MAN2A1: variants seen among roughly 807,000 people sequenced by gnomAD.
MAN2A1 encodes the protein alpha-mannosidase 2.
In MAN2A1, 76 loss-of-function variants were observed where a neutral mutation model predicts 142.6. The ratio of observed to expected loss-of-function variants is 0.53; its 90% CI spans 0.44 to 0.65. The LOEUF is 0.65. Among genes scored for constraint, MAN2A1 ranks in the 30% least tolerant of loss-of-function variants. MAN2A1 has a pLI of 0.00. For missense variants in MAN2A1, 1,311 were observed against 1,365.1 expected, an observed-to-expected ratio of 0.96 and a Z score of 0.62; for synonymous variants, 559 against 473.2, an observed-to-expected ratio of 1.18 and a Z score of -2.35.
At chr5:109,699,699 A>G (rs1195986754) in intron 1 of MAN2A1, 1 of 156,322 alleles carries the variant, frequency 6.4e-6, no homozygotes, top group African/African-American at 2.4e-5. Context: ...TCTACGACTG[A>G]GCATGCAGCT....
chr5:109,827,643 AGG>A (rs1471364956), intron 16 of MAN2A1, among the ~76,000 whole-genome samples: 1 of 152,202 alleles, frequency 6.6e-6, no homozygotes, highest in Non-Finnish European at 1.5e-5. Context: ...GTGCAGTTGA[AGG>A]GCTCTCTCTT....
chr5:109,729,335 G>T lies in MAN2A1; in HGVS notation c.536-7G>T. 6.3e-7 allele frequency: 1 copy of T among 1,591,220 alleles called. No individual in the cohort carries two copies. The highest frequency in any genetic ancestry group is 1.1e-5 in the South Asian group (1 of 87,296). On this transcript the variant is annotated splice_region_variant and splice_polypyrimidine_tract_variant and intron_variant, in intron 3 of 21. Transcript: ENST00000261483. ...GACCTTTGTGGTATATTTGTGTCTT[G>T]ATTTAGGTTGGTTGAAGACTTTCAA...
intron 12 of MAN2A1, among the ~76,000 whole-genome samples, chr5:109,802,303 A>G (rs1477338114): frequency 6.6e-6 from 1 of 152,144 alleles, no homozygotes; most frequent in Non-Finnish European, 1.5e-5. Flanking sequence ...CATATGTGGC[A>G]TATTATTGCA....
chr5:109,812,876 A>G (rs1013818057), intron 12 of MAN2A1, among the ~76,000 whole-genome samples: 1 of 152,060 alleles, frequency 6.6e-6, no homozygotes, highest in Non-Finnish European at 1.5e-5. Flanking sequence ...CTGATGATTC[A>G]TTAACTACTG....
chr5:109,791,679 A>G (rs1027163042), intron 12 of MAN2A1, among the ~76,000 whole-genome samples: 2 of 152,042 alleles, frequency 1.3e-5, no homozygotes, highest in African/African-American at 2.4e-5. Context: ...GGGGATTTGA[A>G]GAAAATCTTA....
At chr5:109,743,717 A>C (rs906995028) in intron 4 of MAN2A1, among the ~76,000 whole-genome samples, 2 of 152,048 alleles carry the variant, frequency 1.3e-5, no homozygotes, top group African/African-American at 2.4e-5. Context: ...AAAACCTCCA[A>C]ATGGCCTTTC....
intron 3 of MAN2A1, among the ~76,000 whole-genome samples, chr5:109,728,831 T>C (rs554278979): frequency 1.3e-5 from 2 of 152,184 alleles, no homozygotes; most frequent in South Asian, 4.1e-4. Flanking sequence ...GTAATTACCT[T>C]ATTGGTCTGC....
chr5:109,690,140 C>G lies in MAN2A1; in HGVS notation c.-278C>G. 2.5e-6 allele frequency: 1 copy of G among 398,352 alleles called. No individual in the cohort carries two copies. The highest frequency in any genetic ancestry group is 4.6e-6 in the Non-Finnish European group (1 of 216,006). 24.7% of individuals were successfully genotyped at this position (398,352 alleles called of 1,614,324 possible). A position where few individuals can be genotyped will look rare whatever the true frequency, so the allele number is the denominator to read the frequency against. On this transcript the variant is annotated 5_prime_UTR_variant, in exon 1 of 22. It adds an upstream start codon to the 5' untranslated region. Coordinates refer to ENST00000261483, the MANE Select transcript of MAN2A1 (RefSeq NM_002372.4). Reference sequence around the variant, plus strand: ...CGGAGGTCGGCGCTGAGCTTGCGATCAAGTTTGTGGGGGCCCCCCTTCCCA... The same window carrying G: ...CGGAGGTCGGCGCTGAGCTTGCGATGAAGTTTGTGGGGGCCCCCCTTCCCA...
chr5:109,796,560 G>A (rs1753867650), intron 12 of MAN2A1, among the ~76,000 whole-genome samples: 1 of 145,504 alleles, frequency 6.9e-6, no homozygotes, highest in African/African-American at 2.6e-5. Context: ...GACTAAATCT[G>A]CCAGAAATAA....
chr5:109,766,062 T>A (rs186899680), intron 5 of MAN2A1, among the ~76,000 whole-genome samples: 1 of 152,148 alleles, frequency 6.6e-6, no homozygotes, highest in South Asian at 2.1e-4. Context: ...TCAAGTGCAC[T>A]GAGTTGGAAA....
intron 9 of MAN2A1, 121 bp from the exon 10 acceptor site, chr5:109,784,623 T>A (rs920417066): frequency 7.4e-6 from 5 of 677,368 alleles, no homozygotes; most frequent in Admixed American, 3.3e-5. Flanking sequence ...AATATCTTTT[T>A]CATAAATTGC....
intron 1 of MAN2A1, among the ~76,000 whole-genome samples, chr5:109,708,729 A>G (rs1198291521): frequency 6.6e-6 from 1 of 152,184 alleles, no homozygotes; most frequent in Non-Finnish European, 1.5e-5. Context: ...GGAAGGTGCA[A>G]GAGCCCAGGG....
chr5:109,808,550 TTTAA>T (rs1373340111), intron 12 of MAN2A1, among the ~76,000 whole-genome samples: 2 of 152,282 alleles, frequency 1.3e-5, no homozygotes, highest in East Asian at 3.9e-4. Context: ...TAAGTATACT[TTTAA>T]TTGTTAATGT....
At chr5:109,723,318 T>G (rs1751656113) in intron 3 of MAN2A1, among the ~76,000 whole-genome samples, 1 of 152,136 alleles carries the variant, frequency 6.6e-6, no homozygotes, top group South Asian at 2.1e-4. Context: ...ACAGGTTAGA[T>G]TATTTTGGAA....
At chr5:109,725,406 C>T (rs967989366) in intron 3 of MAN2A1, among the ~76,000 whole-genome samples, 1 of 152,154 alleles carries the variant, frequency 6.6e-6, no homozygotes, top group Admixed American at 6.5e-5. Context: ...GGTCTACACC[C>T]CTACAAACTA....
rs149259124 is a variant in MAN2A1 at position 109,866,982 on chromosome 5, G to A, written c.3419G>A (p.Arg1140Gln). 3.0e-5 allele frequency: 48 copies of A among 1,608,896 alleles called. No homozygotes were observed. Among genetic ancestry groups the A allele is most frequent in the Admixed American group, 8.4e-5 (5 of 59,252 alleles). ...AGTCCAATGGAAATCAGCACATTCCGAATCCAGTTGAGGTGAACCTGACTT... is the reference window on the plus strand; with the variant it reads ...AGTCCAATGGAAATCAGCACATTCCAAATCCAGTTGAGGTGAACCTGACTT... Reference protein sequence around the residue: ...NLSPMEISTFRIQLR With the variant: ...NLSPMEISTFQIQLR Residue 1140 changes from arginine to glutamine, a missense_variant, in exon 22 of 22, where the codon CGA (arginine) becomes CAA (glutamine). Arg to Gln is a conservative substitution (Grantham distance 43). This residue lies in a region of MAN2A1 where 890 missense variants were observed against 920.5 expected (regional missense o/e 0.97). Coordinates refer to ENST00000261483, the MANE Select transcript of MAN2A1 (RefSeq NM_002372.4).
In MAN2A1 at chr5:109,800,280, C is replaced by A. The variant is rs571421006; in HGVS notation, c.1943+10753C>A. ...GAGATCCTTGAAGCTAGGTAGTGTT[C>A]TCATATGACTCCATGGGACTGTGTT... On this transcript the variant is annotated intron_variant, in intron 12 of 21. Transcript: ENST00000261483. Among the ~76,000 whole-genome samples, 20 of 152,270 alleles carry A rather than the reference C, an allele frequency of 1.3e-4. No individual in the cohort carries two copies. In the South Asian group the frequency reaches 3.9e-3, roughly 30 times the overall value.
Position 109,781,413 on chromosome 5 carries a change from A to G in MAN2A1, c.1392A>G (p.Leu464=), listed in dbSNP as rs766134253. 5.0e-6 allele frequency: 8 copies of G among 1,603,752 alleles called. No individual in the cohort carries two copies. Among genetic ancestry groups the G allele is most frequent in the Non-Finnish European group, 1.7e-6 (2 of 1,177,242 alleles). The change falls in exon 9 of 22, where the codon TTA becomes TTG. Residue 464 remains leucine, a synonymous_variant. Transcript: ENST00000261483. ...AAAACTAGATACAGTTTGGAACTTT[A>G]TCAGATTTTTTTGATGCGCTGGATA... ...KFKVKIQFGT[L]SDFFDALDKA...
In MAN2A1 at chr5:109,867,079, T is replaced by G; in HGVS notation, c.*81T>G. 8.5e-7 allele frequency: 1 copy of G among 1,169,640 alleles called. No homozygotes were observed. Among genetic ancestry groups the G allele is most frequent in the Admixed American group, 2.3e-5 (1 of 42,718 alleles). 72.5% of individuals were successfully genotyped at this position (1,169,640 alleles called of 1,614,324 possible). ...GACGTGCAATAAAGAAGCACATTAT[T>G]TTAGCTTCTGGCTACTGTGAGAACA... is the stretch of plus-strand genomic sequence containing the variant. On this transcript the variant is annotated 3_prime_UTR_variant, in exon 22 of 22. Transcript: ENST00000261483.
Sources: allele counts gnomAD v4.1 joint callset (sites outside exome capture counted in the v4.1 genomes callset), GRCh38; gene constraint gnomAD v4.1.1; regional missense constraint gnomAD v4.1.1; transcripts MANE v1.5; gene names NCBI Gene and HGNC (gene_info 2026-07-23, HGNC 2026-07-21).